Variants in ZZZ3 observed in about 807,000 individuals in gnomAD.
The protein encoded by ZZZ3 is ZZ-type zinc finger-containing protein 3.
Under a neutral mutation model 95.2 loss-of-function variants are expected in ZZZ3, and 22 were observed. The observed-to-expected ratio is 0.23, with a 90% CI of 0.17 to 0.33. The LOEUF is 0.33. Among genes scored for constraint, ZZZ3 ranks in the 10% least tolerant of loss-of-function variants. The probability of loss-of-function intolerance (pLI) is 1.00; values close to 1 mark genes in which losing one functional copy is unlikely to be tolerated. For synonymous variants in ZZZ3, 335 were observed against 358.9 expected, an observed-to-expected ratio of 0.93 and a Z score of 0.75; for missense variants, 885 against 1,066.5, an observed-to-expected ratio of 0.83 and a Z score of 2.37.
intron 14 of ZZZ3, 31 bp from the exon 15 acceptor site, chr1:77,565,815 A>C (rs747288558): frequency 6.3e-7 from 1 of 1,584,678 alleles, no homozygotes; most frequent in South Asian, 1.2e-5. Context: ...ACATCATTAC[A>C]TGGTAGTGGA....
chr1:77,575,907 A>G (rs1661885177), intron 12 of ZZZ3, among the ~76,000 whole-genome samples, 161 bp downstream of exon 12: 1 of 152,200 alleles, frequency 6.6e-6, no homozygotes, highest in South Asian at 2.1e-4. Context: ...CTATTTTTGT[A>G]TATGTTTGAA....
At chr1:77,575,160 G>C (rs765118495) in intron 12 of ZZZ3, among the ~76,000 whole-genome samples, 1 of 152,236 alleles carries the variant, frequency 6.6e-6, no homozygotes, top group Non-Finnish European at 1.5e-5. Flanking sequence ...CTCCTGCCTG[G>C]GCGACAGAGC....
chr1:77,679,667 GTAT>G (rs1203837394), intron 1 of ZZZ3, among the ~76,000 whole-genome samples: 1 of 152,126 alleles, frequency 6.6e-6, no homozygotes, highest in South Asian at 2.1e-4. Flanking sequence ...GAATAAATCA[GTAT>G]TATTATATTA....
chr1:77,584,580 T>C lies in ZZZ3; in HGVS notation c.1581A>G (p.Leu527=). Residue 527 remains leucine, a synonymous_variant, in exon 6 of 15, where the codon TTA becomes TTG. Coordinates refer to ENST00000370801, the MANE Select transcript of ZZZ3 (RefSeq NM_015534.6). The part of the protein sequence containing the change: ...RSQAVQDLES[L]GRHQREALKN... ...TCAGTGCTTCTCTCTGGTGCCTGCC[T>C]AAACTTTCAAGGTCTTGGACTGCTT... 1 of 1,613,432 alleles carries C rather than the reference T, an allele frequency of 6.2e-7. No individual in the cohort carries two copies. Among genetic ancestry groups the C allele is most frequent in the Non-Finnish European group, 8.5e-7 (1 of 1,179,748 alleles).
At chr1:77,663,062 G>A (rs1455492008) in intron 1 of ZZZ3, among the ~76,000 whole-genome samples, 1 of 151,676 alleles carries the variant, frequency 6.6e-6, no homozygotes, top group African/African-American at 2.4e-5. Context: ...CCATGATCAC[G>A]CTACTGCACT....
At chr1:77,588,241 C>A (rs1184524099) in intron 5 of ZZZ3, among the ~76,000 whole-genome samples, 1 of 152,134 alleles carries the variant, frequency 6.6e-6, no homozygotes, top group African/African-American at 2.4e-5. Context: ...TAACTCAATC[C>A]TCACAATAAA....
At chr1:77,622,057 TCCCAACACTTTGGGAGG>T (rs1338026793) in intron 5 of ZZZ3, among the ~76,000 whole-genome samples, 2 of 144,708 alleles carry the variant, frequency 1.4e-5, no homozygotes, top group African/African-American at 5.2e-5. Context: ...ATGCCTGTAA[TCCCAACACTTTGGGAGG>T]CCGAGGAAAG....
chr1:77,669,243 T>C (rs911935568), intron 1 of ZZZ3, among the ~76,000 whole-genome samples: 14 of 152,170 alleles, frequency 9.2e-5, no homozygotes, highest in Admixed American at 2.6e-4. Context: ...CATGGAACTA[T>C]AGATATCAAG....
intron 1 of ZZZ3, among the ~76,000 whole-genome samples, chr1:77,674,367 T>C (rs944662926): frequency 1.3e-5 from 2 of 152,104 alleles, no homozygotes; most frequent in African/African-American, 4.8e-5. Context: ...AAACAATACA[T>C]ACTGTATAAA....
At chr1:77,675,847 ACT>A (rs1323568804) in intron 1 of ZZZ3, among the ~76,000 whole-genome samples, 5 of 152,120 alleles carry the variant, frequency 3.3e-5, no homozygotes, top group Admixed American at 1.3e-4. Flanking sequence ...AACAGTAAGC[ACT>A]CTCAGTATTA....
chr1:77,641,780 AATTCCTTAC>A (rs1668798325), intron 1 of ZZZ3, 125 bp from the exon 2 acceptor site: 2 of 383,718 alleles, frequency 5.2e-6, no homozygotes, highest in East Asian at 7.4e-5. Context: ...CTTCACAAGT[AATTCCTTAC>A]ATTTAGCTGT....
rs769867139 is a variant in ZZZ3, at chr1:77,632,154, C to T, written c.1201G>A (p.Glu401Lys). 2.5e-6 allele frequency: 4 copies of T among 1,613,936 alleles called. No homozygotes were observed. The highest frequency in any genetic ancestry group is 8.5e-7 in the Non-Finnish European group (1 of 1,180,002). ...TTATTCTCCTCAAATTGTCCATTTTCTCTGTAAGGAGAACTGTTTTTAGTG... is the reference window on the plus strand; with the variant it reads ...TTATTCTCCTCAAATTGTCCATTTTTTCTGTAAGGAGAACTGTTTTTAGTG... Reference protein sequence around the residue: ...SPTKNSSPYRENGQFEENNLS... With the variant: ...SPTKNSSPYRKNGQFEENNLS... The change falls in exon 5 of 15, where the codon GAA becomes AAA. Residue 401 changes from glutamate to lysine, a missense_variant. Physicochemically the swap from Glu to Lys is moderately conservative, Grantham distance 56. Transcript: ENST00000370801.
At chr1:77,566,961 G>T (rs1660889114) in intron 13 of ZZZ3, among the ~76,000 whole-genome samples, 1 of 152,208 alleles carries the variant, frequency 6.6e-6, no homozygotes. Context: ...GAGAAGTGAA[G>T]CAAGTTTTTC....
intron 1 of ZZZ3, among the ~76,000 whole-genome samples, chr1:77,670,534 C>A (rs1455365245): frequency 6.6e-6 from 1 of 152,090 alleles, no homozygotes; most frequent in Non-Finnish European, 1.5e-5. Flanking sequence ...GCTGGGTTTA[C>A]AGGCATGATG....
At chr1:77,622,439 A>T (rs2100795632) in intron 5 of ZZZ3, among the ~76,000 whole-genome samples, 1 of 152,162 alleles carries the variant, frequency 6.6e-6, no homozygotes, top group Middle Eastern at 3.4e-3. Flanking sequence ...GTACAAGGAA[A>T]AATAGATTTC....
chr1:77,671,195 C>T (rs278859), intron 1 of ZZZ3, among the ~76,000 whole-genome samples: 55,989 of 151,886 alleles, frequency 0.37, 11,818 homozygotes, highest in African/African-American at 0.57. Flanking sequence ...CTTTTACCTC[C>T]CTGTATATGC....
intron 5 of ZZZ3, among the ~76,000 whole-genome samples, chr1:77,600,435 A>G (rs1036812964): frequency 7.2e-5 from 11 of 152,212 alleles, no homozygotes; most frequent in Admixed American, 5.2e-4. Flanking sequence ...CTAACAGAGG[A>G]TATCAGTCAA....
intron 1 of ZZZ3, among the ~76,000 whole-genome samples, chr1:77,642,470 A>C (rs894280741): frequency 6.6e-6 from 1 of 152,168 alleles, no homozygotes; most frequent in Non-Finnish European, 1.5e-5. Context: ...CTAGCAAGGC[A>C]TGGTGGCTCA....
At chr1:77,574,636 T>G (rs954780628) in intron 12 of ZZZ3, among the ~76,000 whole-genome samples, 1 of 152,120 alleles carries the variant, frequency 6.6e-6, no homozygotes, top group African/African-American at 2.4e-5. Context: ...AAGATGAGCC[T>G]GGATTTTCCT....
Sources: allele counts gnomAD v4.1 joint callset (sites outside exome capture counted in the v4.1 genomes callset), GRCh38; gene constraint gnomAD v4.1.1; transcripts MANE v1.5; gene names NCBI Gene and HGNC (gene_info 2026-07-23, HGNC 2026-07-21).